The following COG5 variants were observed in gnomAD, a reference collection of about 807,000 sequenced individuals.
COG5 encodes conserved oligomeric Golgi complex subunit 5.
A neutral mutation model predicts 110.4 loss-of-function variants in COG5; 86 were observed. The observed-to-expected ratio is 0.78, with a 90% confidence interval of 0.65 to 0.93. The LOEUF (loss-of-function observed/expected upper bound fraction) is 0.93, where lower values mean the gene tolerates loss of function less well. Among genes scored for constraint, COG5 ranks in the 40% least tolerant of loss-of-function variants. The probability of loss-of-function intolerance (pLI) is 0.00; values close to 1 mark genes in which losing one functional copy is unlikely to be tolerated. For missense variants in COG5, 1,077 were observed against 987.0 expected (o/e 1.09, Z -1.22); for synonymous variants, 360 against 334.6 (o/e 1.08, Z -0.83).
At chr7:107,352,042 A>G (rs1182288692) in intron 10 of COG5, among the ~76,000 whole-genome samples, 2 of 146,088 alleles carry the variant, frequency 1.4e-5, no homozygotes, top group African/African-American at 4.9e-5. Context: ...CACAATAGCA[A>G]AGACTTGGAA....
At chr7:107,266,974 T>G (rs1383412848) in intron 14 of COG5, among the ~76,000 whole-genome samples, 1 of 152,220 alleles carries the variant, frequency 6.6e-6, no homozygotes, top group Admixed American at 6.5e-5. Context: ...ATGGTAATGT[T>G]GTATCTTAAC....
At chr7:107,342,664 C>A (rs936531536) in intron 10 of COG5, among the ~76,000 whole-genome samples, 3 of 151,680 alleles carry the variant, frequency 2.0e-5, no homozygotes, top group Non-Finnish European at 4.4e-5. Context: ...GGCAACAGAG[C>A]GAGACTCTGT....
chr7:107,236,373 T>C (rs1801192602), intron 18 of COG5, 77 bp downstream of exon 18: 4 of 1,092,922 alleles, frequency 3.7e-6, no homozygotes, highest in Middle Eastern at 2.0e-4. Context: ...AAAACACCGA[T>C]GAAAACACAT....
intron 10 of COG5, among the ~76,000 whole-genome samples, chr7:107,355,410 T>TA (rs1165827307): frequency 6.6e-6 from 1 of 152,176 alleles, no homozygotes; most frequent in Non-Finnish European, 1.5e-5. Context: ...GCGCAACTCT[T>TA]ATGTATTTAC....
chr7:107,425,986 G>A (rs975064185), intron 6 of COG5, among the ~76,000 whole-genome samples: 3 of 152,112 alleles, frequency 2.0e-5, no homozygotes, highest in African/African-American at 7.2e-5. Context: ...GGGCAGAGAC[G>A]GGGGTAAAGT....
chr7:107,222,747 A>C (rs1271999520), intron 19 of COG5, among the ~76,000 whole-genome samples: 1 of 152,242 alleles, frequency 6.6e-6, no homozygotes, highest in African/African-American at 2.4e-5. Context: ...TATGAAACAA[A>C]AAGAAATAAG....
intron 19 of COG5, among the ~76,000 whole-genome samples, chr7:107,230,103 G>A (rs1170931449): frequency 6.6e-6 from 1 of 151,832 alleles, no homozygotes; most frequent in African/African-American, 2.4e-5. Context: ...CACCTGCCTC[G>A]GCCTCCCAAA....
At chr7:107,333,498 G>GA (rs916699740) in intron 10 of COG5, among the ~76,000 whole-genome samples, 3 of 151,792 alleles carry the variant, frequency 2.0e-5, no homozygotes, top group African/African-American at 7.3e-5. Context: ...TGTTCAGAGA[G>GA]AAAAAAATAT....
At chr7:107,381,058 G>A (rs138818349) in intron 7 of COG5, among the ~76,000 whole-genome samples, 1 of 152,144 alleles carries the variant, frequency 6.6e-6, no homozygotes, top group Non-Finnish European at 1.5e-5. Context: ...AATTAATCTT[G>A]CAGAAGAGGT....
At chr7:107,436,711 T>A (rs763766838) in intron 6 of COG5, among the ~76,000 whole-genome samples, 1 of 152,162 alleles carries the variant, frequency 6.6e-6, no homozygotes, top group Non-Finnish European at 1.5e-5. Context: ...TGCTTTCAAC[T>A]GATGGAAAGA....
chr7:107,369,684 G>A (rs919994775), intron 8 of COG5, among the ~76,000 whole-genome samples: 10 of 151,850 alleles, frequency 6.6e-5, no homozygotes, highest in Admixed American at 2.0e-4. Context: ...CCAACACGCC[G>A]GCCAGGTAAC....
intron 6 of COG5, among the ~76,000 whole-genome samples, chr7:107,514,438 TTATAA>T (rs1799776701): frequency 6.6e-6 from 1 of 152,246 alleles, no homozygotes; most frequent in African/African-American, 2.4e-5. Context: ...TTTCACTTAA[TTATAA>T]TATACATTTA....
intron 14 of COG5, among the ~76,000 whole-genome samples, chr7:107,280,856 C>G (rs186320792): frequency 6.6e-6 from 1 of 151,918 alleles, no homozygotes; most frequent in African/African-American, 2.4e-5. Context: ...TAAAATTTTA[C>G]GTACTTTACT....
chr7:107,498,235 A>G (rs562975266), intron 6 of COG5, among the ~76,000 whole-genome samples: 1 of 152,326 alleles, frequency 6.6e-6, no homozygotes, highest in African/African-American at 2.4e-5. Context: ...ATGATTTCAC[A>G]GATGTGACCA....
chr7:107,499,758 G>T (rs1301756067), intron 6 of COG5, among the ~76,000 whole-genome samples: 1 of 152,112 alleles, frequency 6.6e-6, no homozygotes, highest in Non-Finnish European at 1.5e-5. Flanking sequence ...ACTGGAGTCT[G>T]TTAATTCAGT....
At chr7:107,417,800 A>C (rs1489625227) in intron 6 of COG5, among the ~76,000 whole-genome samples, 1 of 152,098 alleles carries the variant, frequency 6.6e-6, no homozygotes, top group Admixed American at 6.6e-5. Context: ...ACTGTTTATT[A>C]ACTATATTTC....
chr7:107,240,705 C>T (rs1253254465), intron 17 of COG5, among the ~76,000 whole-genome samples: 2 of 152,196 alleles, frequency 1.3e-5, no homozygotes, highest in Non-Finnish European at 2.9e-5. Context: ...TGCTTCTTGA[C>T]TAATCCAACT....
At chr7:107,450,642 G>A (rs1418675392) in intron 6 of COG5, among the ~76,000 whole-genome samples, 2 of 152,202 alleles carry the variant, frequency 1.3e-5, no homozygotes, top group Non-Finnish European at 1.5e-5. Context: ...TAAGAGATGG[G>A]CTAGCTCCAT....
At chr7:107,340,673 T>C (rs933365261) in intron 10 of COG5, among the ~76,000 whole-genome samples, 1 of 152,128 alleles carries the variant, frequency 6.6e-6, no homozygotes, top group Non-Finnish European at 1.5e-5. Flanking sequence ...CATCAAAAAG[T>C]TAATTCACCA....
Sources: gnomAD v4.1 joint callset for allele counts (sites outside exome capture counted in the v4.1 genomes callset) on GRCh38, gnomAD v4.1.1 for gene constraint, MANE v1.5 for transcripts, NCBI Gene and HGNC (gene_info 2026-07-23, HGNC 2026-07-21) for gene names.